The following UBOX5 variants were observed in gnomAD, a reference collection of about 807,000 sequenced individuals.
UBOX5 encodes U-box domain containing 5.
UBOX5 carries 28 observed loss-of-function variants against 39.0 expected under a neutral mutation model. The observed-to-expected ratio is 0.72, with a 90% CI of 0.53 to 0.98. The LOEUF is 0.98. Ranked by LOEUF, UBOX5 falls within the 50% of genes least tolerant of loss-of-function variation. The probability of loss-of-function intolerance (pLI) is 0.00; values close to 1 mark genes in which losing one functional copy is unlikely to be tolerated. For missense variants in UBOX5, 585 were observed against 674.4 expected (o/e 0.87, Z 1.47); for synonymous variants, 283 against 275.5 (o/e 1.03, Z -0.27).
At position 3,139,111 on chromosome 20, in the gene UBOX5, A is replaced by T. The variant is rs560839815; in HGVS notation, c.-41-15705T>A. On this transcript the variant is annotated intron_variant, in intron 1 of 4. Coordinates refer to ENST00000217173, the MANE Select transcript of UBOX5 (RefSeq NM_014948.4). ...ACTTCAGCTTTTAAAGAAGTGCACT[A>T]CTTCTTATAATTTCTAAATTGAGTT... 2.0e-5 allele frequency among the ~76,000 whole-genome samples: 3 copies of T among 152,310 alleles called. No individual in the cohort carries two copies. The East Asian group carries it at 5.8e-4, about 29-fold the overall frequency.
intron 1 of UBOX5, among the ~76,000 whole-genome samples, chr20:3,139,041 G>A (rs988738805): frequency 2.0e-5 from 3 of 152,180 alleles, no homozygotes; most frequent in Non-Finnish European, 2.9e-5. Flanking sequence ...TCACCTCAAA[G>A]AGTGGGTGGA....
chr20:3,116,498 C>T (rs1177132131), intron 3 of UBOX5: 1 of 152,206 alleles, frequency 6.6e-6, no homozygotes, highest in Non-Finnish European at 1.5e-5. Context: ...GGACACAGGA[C>T]ATCAGCTCAG....
chr20:3,134,463 T>C (rs1020463840), intron 1 of UBOX5, among the ~76,000 whole-genome samples: 2 of 148,754 alleles, frequency 1.3e-5, no homozygotes, highest in Non-Finnish European at 3.0e-5. Flanking sequence ...GATTATATAA[T>C]AGAATATATG....
intron 1 of UBOX5, among the ~76,000 whole-genome samples, chr20:3,158,018 G>C (rs990083995): frequency 6.6e-6 from 1 of 152,034 alleles, no homozygotes; most frequent in Admixed American, 6.6e-5. Context: ...GCAACCTCCC[G>C]GGCGAGGATC....
rs2066335877 is a variant in UBOX5, at chr20:3,121,548, C to T, written c.1091G>A (p.Arg364Lys). Residue 364 changes from arginine (R) to lysine (K), a missense_variant, in exon 3 of 5, where the codon AGG becomes AAG. Coordinates refer to ENST00000217173, the MANE Select transcript of UBOX5 (RefSeq NM_014948.4). ...PSSIVLPSQKRKIEQAEHVPD... is the reference protein window; with the variant it reads ...PSSIVLPSQKKKIEQAEHVPD... ...GACATGTTCAGCCTGCTCTATCTTC[C>T]TTTTCTGAGAGGGCAGAACAATGGA... The T allele has an allele frequency of 6.2e-7, 1 of 1,611,318 alleles. No homozygotes were observed. The highest frequency in any genetic ancestry group is 8.5e-7 in the Non-Finnish European group (1 of 1,178,658).
intron 1 of UBOX5, among the ~76,000 whole-genome samples, chr20:3,158,665 G>A (rs781493930): frequency 1.4e-4 from 21 of 152,054 alleles, no homozygotes; most frequent in African/African-American, 4.1e-4. Flanking sequence ...TAGTAGAGAC[G>A]GGGTTTCACC....
intron 1 of UBOX5, among the ~76,000 whole-genome samples, chr20:3,151,228 A>C (rs1164686828): frequency 6.6e-6 from 1 of 152,104 alleles, no homozygotes; most frequent in African/African-American, 2.4e-5. Context: ...TGCCCACCAA[A>C]TTTCAATCTG....
Position 3,121,846 on chromosome 20 carries a change from C to G in UBOX5, c.793G>C (p.Asp265His). The G allele has an allele frequency of 6.2e-7, 1 of 1,614,068 alleles. No homozygotes were observed. Among genetic ancestry groups the G allele is most frequent in the Non-Finnish European group, 8.5e-7 (1 of 1,180,030 alleles). ...IIQDVPEEFLDPITLEIMPCP... is the reference protein window; with the variant it reads ...IIQDVPEEFLHPITLEIMPCP... The stretch of plus-strand genomic sequence containing the variant: ...GGCATGATCTCCAGGGTGATGGGAT[C>G]CAGGAACTCCTCAGGCACATCCTGA... The change falls in exon 3 of 5, where the codon GAT becomes CAT. Residue 265 changes from aspartate (D) to histidine (H), a missense_variant. Transcript: ENST00000217173.
Position 3,122,383 on chromosome 20 carries a change from A to T in UBOX5, c.256T>A (p.Ser86Thr), listed in dbSNP as rs747638402. 2 of 1,614,186 alleles carry T rather than the reference A, an allele frequency of 1.2e-6. No individual in the cohort carries two copies. Among genetic ancestry groups the T allele is most frequent in the South Asian group, 2.2e-5 (2 of 91,080 alleles). ...QNVTGLEMYT[S>T]ASSSRVSWNT... Reference sequence around the variant, plus strand: ...CAAGACACTCTGCTAGATGAGGCAGATGTGTACATTTCCAGGCCAGTGACG... The same window carrying T: ...CAAGACACTCTGCTAGATGAGGCAGTTGTGTACATTTCCAGGCCAGTGACG... Residue 86 changes from serine (S) to threonine (T), a missense_variant, in exon 3 of 5, where the codon TCT becomes ACT. Transcript: ENST00000217173.
At position 3,109,734 on chromosome 20, in the gene UBOX5, C is replaced by G. The variant is rs1021597305; in HGVS notation, c.*372G>C. 1 of 283,460 alleles carries G rather than the reference C, an allele frequency of 3.5e-6. No homozygotes were observed. Among genetic ancestry groups the G allele is most frequent in the Non-Finnish European group, 6.9e-6 (1 of 144,628 alleles). 17.6% of individuals were successfully genotyped at this position (283,460 alleles called of 1,614,324 possible). On this transcript the variant is annotated 3_prime_UTR_variant, in exon 5 of 5. Coordinates refer to ENST00000217173, the MANE Select transcript of UBOX5 (RefSeq NM_014948.4). Reference sequence around the variant, plus strand: ...CCCTGAAGGCAGAGACTCCTGAGATCTGGGCCACAATCTAGGGTGAGCCAC... The same window carrying G: ...CCCTGAAGGCAGAGACTCCTGAGATGTGGGCCACAATCTAGGGTGAGCCAC...
At chr20:3,148,799 A>C (rs115238082) in intron 1 of UBOX5, 2 of 1,614,248 alleles carry the variant, frequency 1.2e-6, no homozygotes, top group Middle Eastern at 1.6e-4. Flanking sequence ...GCCCAGCTGC[A>C]ATGTACTGGC....
intron 1 of UBOX5, chr20:3,147,550 C>G (rs747723817): frequency 6.2e-7 from 1 of 1,614,190 alleles, no homozygotes. Flanking sequence ...GGAGGTCAAA[C>G]TTAGTTCTCT....
At position 3,122,102 on chromosome 20, in the gene UBOX5, A is replaced by C. The variant is rs756118257; in HGVS notation, c.537T>G (p.His179Gln). The C allele has an allele frequency of 1.2e-6, 2 of 1,614,202 alleles. No individual in the cohort carries two copies. The highest frequency in any genetic ancestry group is 2.2e-5 in the East Asian group (1 of 44,884). Reference sequence around the variant, plus strand: ...TACAAGGGATACCGCCGCCTGTCACATGGGTGATACAGATCCTTAAGTGGG... The same window carrying C: ...TACAAGGGATACCGCCGCCTGTCACCTGGGTGATACAGATCCTTAAGTGGG... ...HVAHLRICIT[H>Q]VTGGGIPCIK... is the part of the protein sequence containing the mutation. Residue 179 changes from histidine (H) to glutamine (Q), a missense_variant, in exon 3 of 5, where the codon CAT becomes CAG. Physicochemically the swap from His to Gln is conservative, Grantham distance 24 (BLOSUM62 0). Coordinates refer to ENST00000217173, the MANE Select transcript of UBOX5 (RefSeq NM_014948.4).
At position 3,149,148 on chromosome 20, in the gene UBOX5, G is replaced by A; in HGVS notation, c.-42+10618C>T. 1 of 1,489,494 alleles carries A rather than the reference G, an allele frequency of 6.7e-7. No homozygotes were observed. The highest frequency in any genetic ancestry group is 9.0e-7 in the Non-Finnish European group (1 of 1,105,680). The allele number at this position is 1,489,494 out of a possible 1,614,324, so 92.3% of individuals were successfully genotyped here. On this transcript the variant is annotated intron_variant, in intron 1 of 4. Transcript: ENST00000217173. This position sits in a 1 kb window ranked among gnomAD's most constrained non-coding sequence, Gnocchi z 4.1. ...TGACCAGGCAATTTCTTGTTTATAT[G>A]GTGCTTGATTAGAGCTGGACGGGGA... is the stretch of plus-strand genomic sequence containing the variant.
At chr20:3,148,214 T>G in intron 1 of UBOX5, 1 of 1,613,980 alleles carries the variant, frequency 6.2e-7, no homozygotes, top group Non-Finnish European at 8.5e-7. Context: ...ACCTATAACA[T>G]AAATTAAGTG....
At chr20:3,145,558 C>T (rs893114279) in intron 1 of UBOX5, among the ~76,000 whole-genome samples, 2 of 152,016 alleles carry the variant, frequency 1.3e-5, no homozygotes, top group Non-Finnish European at 2.9e-5. Context: ...TCCCACCCAG[C>T]CTCCTGAGTA....
At chr20:3,148,853 C>A (rs1486685163) in intron 1 of UBOX5, 6 of 1,614,092 alleles carry the variant, frequency 3.7e-6, no homozygotes, top group Non-Finnish European at 5.1e-6. Flanking sequence ...TGGGTGGGCA[C>A]TGCTGGTTGT....
rs138335304 is a variant in UBOX5 at position 3,148,764 on chromosome 20, C to T, written c.-42+11002G>A. Reference sequence around the variant, plus strand: ...GAATCAAACACTTCTACGTCCTCTTCATCAACTCCTGTGGCCCTGGGTGAG... The same window carrying T: ...GAATCAAACACTTCTACGTCCTCTTTATCAACTCCTGTGGCCCTGGGTGAG... On this transcript the variant is annotated intron_variant, in intron 1 of 4. Transcript: ENST00000217173. 1.2e-4 allele frequency: 200 copies of T among 1,614,112 alleles called. No homozygotes were observed. The highest frequency in any genetic ancestry group is 1.6e-4 in the Non-Finnish European group (191 of 1,180,048).
chr20:3,114,675 C>T (rs988217587), intron 4 of UBOX5, among the ~76,000 whole-genome samples: 3 of 152,138 alleles, frequency 2.0e-5, no homozygotes, highest in African/African-American at 4.8e-5. Context: ...AAAGGCCAGG[C>T]GCGGTGGCTC....
Sources: allele counts gnomAD v4.1 joint callset (sites outside exome capture counted in the v4.1 genomes callset), GRCh38; gene constraint gnomAD v4.1.1; non-coding constraint Gnocchi (gnomAD v3.1); transcripts MANE v1.5; gene names NCBI Gene and HGNC (gene_info 2026-07-23, HGNC 2026-07-21).